The following PEX13 variants were observed in gnomAD, a reference collection of about 807,000 sequenced individuals.
PEX13 encodes the protein peroxisome biogenesis factor 13.
In PEX13, 28 loss-of-function variants were observed where a neutral mutation model predicts 34.5. The observed-to-expected ratio is 0.81, with a 90% confidence interval of 0.60 to 1.11. The LOEUF (loss-of-function observed/expected upper bound fraction) is 1.11. PEX13 is among the 50% of genes most tolerant of loss of function. The pLI is 0.00. For missense variants in PEX13, 550 were observed against 491.0 expected, an observed-to-expected ratio of 1.12 and a Z score of -1.13; for synonymous variants, 177 against 175.1, an observed-to-expected ratio of 1.01 and a Z score of -0.09.
At chr2:61,041,214 A>G (rs1037923573) in intron 2 of PEX13, among the ~76,000 whole-genome samples, 1 of 152,126 alleles carries the variant, frequency 6.6e-6, no homozygotes, top group Non-Finnish European at 1.5e-5. Flanking sequence ...CTATAGTCCC[A>G]GTTACTTGGG....
intron 2 of PEX13, among the ~76,000 whole-genome samples, chr2:61,045,430 C>T (rs1680690206): frequency 6.6e-6 from 1 of 151,998 alleles, no homozygotes; most frequent in African/African-American, 2.4e-5. Context: ...TCCTGTTTTG[C>T]CTCTTGGCTT....
At chr2:61,028,407 T>TG (rs1263871506) in intron 1 of PEX13, among the ~76,000 whole-genome samples, 1 of 150,954 alleles carries the variant, frequency 6.6e-6, no homozygotes, top group Non-Finnish European at 1.5e-5. Flanking sequence ...TTTTTTTTTT[T>TG]GAAACAGAGT....
chr2:61,031,605 T>C lies in PEX13; in HGVS notation c.279T>C (p.Tyr93=). The C allele has an allele frequency of 1.2e-6, 2 of 1,614,216 alleles. No individual in the cohort carries two copies. The highest frequency in any genetic ancestry group is 2.7e-5 in the African/African-American group (2 of 75,054). ...GAYGNSFYGG[Y]SPYSYGYNGL... ...ATGGAAATTCATTTTATGGAGGCTATAGTCCTTATAGTTATGGATATAATG... is the reference window on the plus strand; with the variant it reads ...ATGGAAATTCATTTTATGGAGGCTACAGTCCTTATAGTTATGGATATAATG... The change falls in exon 2 of 4, where the codon TAT becomes TAC. Residue 93 remains tyrosine, a synonymous_variant. Transcript: ENST00000295030.
chr2:61,035,964 C>T (rs549430685), intron 2 of PEX13, among the ~76,000 whole-genome samples: 1 of 133,870 alleles, frequency 7.5e-6, no homozygotes, highest in Non-Finnish European at 1.6e-5. Flanking sequence ...GCCTGGGCAA[C>T]AAGAGCGAAA....
chr2:61,017,721 G>C lies in PEX13; in HGVS notation c.-39G>C, dbSNP rs1423356013. On this transcript the variant is annotated 5_prime_UTR_variant, in exon 1 of 4. Coordinates refer to ENST00000295030, the MANE Select transcript of PEX13 (RefSeq NM_002618.4). ...GTGCTGGTCTACGCGGGCCTGGACA[G>C]TCAGGGGTAGGAGCGGGAGCCGAGA... 4 of 1,521,400 alleles carry C rather than the reference G, an allele frequency of 2.6e-6. No individual in the cohort carries two copies. The East Asian group carries it at 7.3e-5, about 28-fold the overall frequency. The allele number at this position is 1,521,400 out of a possible 1,614,324, so 94.2% of individuals were successfully genotyped here. A position where few individuals can be genotyped will look rare whatever the true frequency, so the allele number is the denominator to read the frequency against.
chr2:61,051,295 G>C lies in PEX13; in HGVS notation c.*2525G>C, dbSNP rs929936613. ...AATTTTGTTCTCAAAACAAATGTTT[G>C]ATAAAACAGATTATTAAATTTGGGG... On this transcript the variant is annotated 3_prime_UTR_variant, in exon 4 of 4. Transcript: ENST00000295030. 1 of 152,292 alleles carries C rather than the reference G, an allele frequency of 6.6e-6. No homozygotes were observed. Among genetic ancestry groups the C allele is most frequent in the Non-Finnish European group, 1.5e-5 (1 of 68,026 alleles). The allele number at this position is 152,292 out of a possible 1,614,324, so 9.4% of individuals were successfully genotyped here. A position where few individuals can be genotyped will look rare whatever the true frequency, so the allele number is the denominator to read the frequency against.
chr2:61,030,372 A>G lies in PEX13; in HGVS notation c.93-1047A>G, dbSNP rs1430269776. Among the ~76,000 whole-genome samples the G allele has an allele frequency of 2.0e-5, 3 of 152,010 alleles. No individual in the cohort carries two copies. The South Asian group carries it at 6.2e-4, about 32-fold the overall frequency. The stretch of plus-strand genomic sequence containing the variant: ...ACTGAGGGACAACTGAGAGACAAAA[A>G]AGCAACACTCTGGTTTCTTATTTCA... On this transcript the variant is annotated intron_variant, in intron 1 of 3. Coordinates refer to ENST00000295030, the MANE Select transcript of PEX13 (RefSeq NM_002618.4).
intron 1 of PEX13, among the ~76,000 whole-genome samples, chr2:61,025,450 C>G (rs1387866748): frequency 6.6e-6 from 1 of 152,046 alleles, no homozygotes; most frequent in Non-Finnish European, 1.5e-5. Flanking sequence ...CCCCTGTCAC[C>G]CAGGTTCGAG....
At chr2:61,026,418 C>T (rs574455744) in intron 1 of PEX13, among the ~76,000 whole-genome samples, 2 of 145,486 alleles carry the variant, frequency 1.4e-5, no homozygotes, top group African/African-American at 5.1e-5. Context: ...TATCTCGGCT[C>T]ACCTCAACCT....
At chr2:61,024,532 G>A (rs183242193) in intron 1 of PEX13, among the ~76,000 whole-genome samples, 137 of 152,184 alleles carry the variant, frequency 9.0e-4, no homozygotes, top group Non-Finnish European at 6.9e-4. Context: ...CATTGAGGCC[G>A]GGTGCAGTGG....
At chr2:61,024,213 T>C (rs1372067572) in intron 1 of PEX13, among the ~76,000 whole-genome samples, 1 of 152,220 alleles carries the variant, frequency 6.6e-6, no homozygotes, top group East Asian at 1.9e-4. Context: ...TAGGCCTCAG[T>C]GTGGTCTTCT....
intron 1 of PEX13, 80 bp downstream of exon 1, chr2:61,017,931 G>A (rs898954591): frequency 5.7e-5 from 81 of 1,432,782 alleles, no homozygotes; most frequent in Non-Finnish European, 7.7e-5. Context: ...GCGGTTGTTA[G>A]TGGAGGTATT....
Position 61,048,931 on chromosome 2 carries a change from T to C in PEX13, c.*161T>C. On this transcript the variant is annotated 3_prime_UTR_variant, in exon 4 of 4. Transcript: ENST00000295030. ...TTAAAGTTACACACTAGTATGTTGG[T>C]CTGGTGACCTGGTTACATTTTATTA... is the stretch of plus-strand genomic sequence containing the variant. 3.1e-6 allele frequency: 2 copies of C among 642,318 alleles called. No homozygotes were observed. Among genetic ancestry groups the C allele is most frequent in the South Asian group, 3.8e-5 (2 of 52,344 alleles). 39.8% of individuals were successfully genotyped at this position (642,318 alleles called of 1,614,324 possible).
intron 2 of PEX13, among the ~76,000 whole-genome samples, chr2:61,044,977 A>T (rs1680683812): frequency 6.6e-6 from 1 of 152,218 alleles, no homozygotes; most frequent in African/African-American, 2.4e-5. Flanking sequence ...AATCCATTTA[A>T]CTATGCAATT....
intron 1 of PEX13, among the ~76,000 whole-genome samples, chr2:61,027,546 T>C (rs1680380288): frequency 6.6e-6 from 1 of 152,162 alleles, no homozygotes; most frequent in South Asian, 2.1e-4. Flanking sequence ...AGGTGGCACA[T>C]CCTCATTCCC....
chr2:61,047,098 G>C (rs1680714821), intron 3 of PEX13, among the ~76,000 whole-genome samples: 1 of 150,312 alleles, frequency 6.7e-6, no homozygotes, highest in Admixed American at 6.6e-5. Flanking sequence ...GTGTAACCTT[G>C]TCTCAAGAAA....
rs545057200 is a variant in PEX13 at position 61,038,704 on chromosome 2, G to A, written c.787+6591G>A. The stretch of plus-strand genomic sequence containing the variant: ...CCTTTGAAAACCAGCACAAGACAAG[G>A]ATGCCCTCTGTCACCACTCCTATTC... On this transcript the variant is annotated intron_variant, in intron 2 of 3. Transcript: ENST00000295030. 5.9e-4 allele frequency among the ~76,000 whole-genome samples: 90 copies of A among 152,252 alleles called. No homozygotes were observed. The South Asian group carries it at 0.012, about 21-fold the overall frequency.
At position 61,048,553 on chromosome 2, in the gene PEX13, A is replaced by C; in HGVS notation, c.995A>C (p.Lys332Thr). ...TTGLIPANYVKILGKRKGRKT... is the reference protein window; with the variant it reads ...TTGLIPANYVTILGKRKGRKT... ...GGACTTATACCTGCGAATTATGTCA[A>C]AATTCTTGGCAAAAGAAAAGGTAGG... The change falls in exon 4 of 4, where the codon AAA becomes ACA. Residue 332 changes from lysine to threonine, a missense_variant. Coordinates refer to ENST00000295030, the MANE Select transcript of PEX13 (RefSeq NM_002618.4). 6.2e-7 allele frequency: 1 copy of C among 1,614,140 alleles called. No homozygotes were observed. The highest frequency in any genetic ancestry group is 8.5e-7 in the Non-Finnish European group (1 of 1,179,956).
chr2:61,022,366 A>G (rs1680279169), intron 1 of PEX13, among the ~76,000 whole-genome samples: 2 of 152,240 alleles, frequency 1.3e-5, no homozygotes, highest in South Asian at 4.1e-4. Flanking sequence ...CCATGGCACA[A>G]GAACTTCGTG....
Sources: allele counts gnomAD v4.1 joint callset (sites outside exome capture counted in the v4.1 genomes callset), GRCh38; gene constraint gnomAD v4.1.1; transcripts MANE v1.5; gene names NCBI Gene and HGNC (gene_info 2026-07-23, HGNC 2026-07-21).